NAV3: variants seen among roughly 807,000 people sequenced by gnomAD.
NAV3 encodes neuron navigator 3.
NAV3 carries 87 observed loss-of-function variants against 244.7 expected under a neutral mutation model. The observed-to-expected ratio is 0.36, with a 90% CI of 0.30 to 0.42. NAV3 has a LOEUF of 0.42. Among genes scored for constraint, NAV3 ranks in the 20% least tolerant of loss-of-function variants. The pLI is 1.00. For missense variants in NAV3, 2,663 were observed against 2,893.3 expected (o/e 0.92, Z 1.83); for synonymous variants, 1,126 against 1,042.2 (o/e 1.08, Z -1.55).
At chr12:77,806,151 G>T (rs1181483510) in intron 2 of NAV3, among the ~76,000 whole-genome samples, 2 of 151,884 alleles carry the variant, frequency 1.3e-5, no homozygotes, top group Non-Finnish European at 2.9e-5. Context: ...AAGGGTTTTT[G>T]TGTCTCTATC....
chr12:77,980,853 A>G (rs1869432047), intron 5 of NAV3, among the ~76,000 whole-genome samples: 1 of 152,184 alleles, frequency 6.6e-6, no homozygotes, highest in Non-Finnish European at 1.5e-5. Context: ...GAAGTTTGAC[A>G]TTCCTAAAAG....
intron 2 of NAV3, among the ~76,000 whole-genome samples, chr12:77,700,101 C>A (rs574193247): frequency 6.6e-6 from 1 of 152,178 alleles, no homozygotes; most frequent in Non-Finnish European, 1.5e-5. Flanking sequence ...TCGATACAAA[C>A]CTAATGAGAT....
intron 12 of NAV3, among the ~76,000 whole-genome samples, chr12:78,084,531 A>G (rs377640392): frequency 6.6e-6 from 1 of 152,096 alleles, no homozygotes; most frequent in East Asian, 1.9e-4. Context: ...AACAAAGTAG[A>G]CAAAATAAAC....
intron 2 of NAV3, among the ~76,000 whole-genome samples, chr12:77,726,773 C>T (rs558699843): frequency 2.6e-4 from 40 of 151,858 alleles, no homozygotes; most frequent in Non-Finnish European, 5.3e-4. Flanking sequence ...AAAAAGAGCA[C>T]TAGTAAAGAC....
Position 77,688,751 on chromosome 12 carries a change from G to A in NAV3, c.72+116485G>A, listed in dbSNP as rs150853011. 1.8e-3 allele frequency among the ~76,000 whole-genome samples: 277 copies of A among 151,896 alleles called. 2 individuals carry two copies. The highest frequency in any genetic ancestry group is 0.017 in the Admixed American group (251 of 15,212). On this transcript the variant is annotated intron_variant, in intron 2 of 8. Coordinates refer to the NAV3 transcript ENST00000550042. ...TTAGATTGTAGAGTATCTTAAAGACGGATAGATAATGAAGGAGAGGCTCTA... is the reference window on the plus strand; with the variant it reads ...TTAGATTGTAGAGTATCTTAAAGACAGATAGATAATGAAGGAGAGGCTCTA...
intron 2 of NAV3, among the ~76,000 whole-genome samples, chr12:77,773,543 T>C (rs1870204076): frequency 1.3e-5 from 2 of 152,158 alleles, no homozygotes; most frequent in Admixed American, 1.3e-4. Flanking sequence ...CTTGTCCTGA[T>C]GGAATTTAAA....
At chr12:77,577,663 C>A (rs1008787243) in intron 2 of NAV3, among the ~76,000 whole-genome samples, 2 of 152,036 alleles carry the variant, frequency 1.3e-5, no homozygotes, top group Non-Finnish European at 2.9e-5. Context: ...ATTTTGAAGG[C>A]AGAATTATAT....
In NAV3 at chr12:77,851,291, A is replaced by C. The variant is rs150648466; in HGVS notation, c.243+19587A>C. 4.4e-3 allele frequency among the ~76,000 whole-genome samples: 675 copies of C among 152,272 alleles called. 12 individuals carry two copies. Among genetic ancestry groups the C allele is most frequent in the African/African-American group, 0.014 (590 of 41,550 alleles). ...ATTCAAATTGTATCTTATCTTTAGA[A>C]ATACCCCTTCTGAATCCCCTTGCTT... is the stretch of plus-strand genomic sequence containing the variant. On this transcript the variant is annotated intron_variant, in intron 1 of 39. Coordinates refer to ENST00000397909, the MANE Select transcript of NAV3 (RefSeq NM_001024383.2).
At chr12:78,128,592 A>G (rs1442137049) in intron 17 of NAV3, 114 bp from the exon 18 acceptor site, 9 of 1,039,484 alleles carry the variant, frequency 8.7e-6, no homozygotes, top group East Asian at 7.7e-5. Flanking sequence ...ATTAGATTCA[A>G]TCTGTTTGAA....
rs142006016 is a variant in NAV3, at chr12:77,846,996, C to T, written c.243+15292C>T. The stretch of plus-strand genomic sequence containing the variant: ...CAGGAAATTTCCAACCTAAATCTTA[C>T]GGGCCCTGAGTTGAATATAATGATA... On this transcript the variant is annotated intron_variant, in intron 1 of 39. Transcript: ENST00000397909. Among the ~76,000 whole-genome samples the T allele has an allele frequency of 4.4e-4, 67 of 152,240 alleles. 1 individual carries two copies. The highest frequency in any genetic ancestry group is 1.4e-3 in the African/African-American group (60 of 41,550).
In NAV3 at chr12:78,059,056, A is replaced by T. The variant is rs769429031; in HGVS notation, c.2577A>T (p.Thr859=). Residue 859 remains threonine (T), a synonymous_variant, in exon 12 of 40, where the codon ACA becomes ACT. Transcript: ENST00000397909. ...GAAGTCTGAACCGAATACCAGACAC[A>T]GCAACTTCCCGGGACATCATCCAGA... is the stretch of plus-strand genomic sequence containing the variant. ...YTRSLNRIPD[T]ATSRDIIQRG... The T allele has an allele frequency of 2.5e-6, 4 of 1,612,386 alleles. No individual in the cohort carries two copies. The South Asian group carries it at 4.4e-5, about 18-fold the overall frequency.
At position 78,212,160 on chromosome 12, in the gene NAV3, T is replaced by A. The variant is rs1317794400; in HGVS notation, c.*1643T>A. On this transcript the variant is annotated 3_prime_UTR_variant, in exon 40 of 40. Coordinates refer to ENST00000397909, the MANE Select transcript of NAV3 (RefSeq NM_001024383.2). ...TGAAGCCAATATATTTTTGGATAAG[T>A]AAAACTGTCTGAAAGTACATCTGTC... 1 of 152,626 alleles carries A rather than the reference T, an allele frequency of 6.6e-6. No homozygotes were observed. The highest frequency in any genetic ancestry group is 1.5e-5 in the Non-Finnish European group (1 of 68,050). The allele number at this position is 152,626 out of a possible 1,614,324, so 9.5% of individuals were successfully genotyped here. A position where few individuals can be genotyped will look rare whatever the true frequency, so the allele number is the denominator to read the frequency against.
chr12:78,137,149 A>G (rs1956407389), intron 18 of NAV3, 28 bp from the exon 19 acceptor site: 1 of 1,591,734 alleles, frequency 6.3e-7, no homozygotes, highest in Non-Finnish European at 8.6e-7. Context: ...GCTTAAGAGT[A>G]ATAGGCTCTG....
chr12:77,810,707 A>G (rs1316975558), intron 2 of NAV3, among the ~76,000 whole-genome samples: 1 of 152,218 alleles, frequency 6.6e-6, no homozygotes, highest in Non-Finnish European at 1.5e-5. Flanking sequence ...TAGTTAAAAT[A>G]CTAGCAAATG....
chr12:78,158,252 A>G (rs1957388425), intron 22 of NAV3, among the ~76,000 whole-genome samples: 1 of 152,174 alleles, frequency 6.6e-6, no homozygotes, highest in South Asian at 2.1e-4. Flanking sequence ...CTTCGTTTGC[A>G]AAATATTAAA....
At chr12:78,112,463 G>A (rs1955147255) in intron 12 of NAV3, among the ~76,000 whole-genome samples, 1 of 152,128 alleles carries the variant, frequency 6.6e-6, no homozygotes, top group African/African-American at 2.4e-5. Context: ...CAACATGACT[G>A]GGGAGGCCTA....
intron 2 of NAV3, among the ~76,000 whole-genome samples, chr12:77,699,075 G>T (rs1875442728): frequency 6.6e-6 from 1 of 152,062 alleles, no homozygotes; most frequent in South Asian, 2.1e-4. Flanking sequence ...TTATATATTT[G>T]ATTTAGTGTT....
intron 9 of NAV3, among the ~76,000 whole-genome samples, chr12:78,024,984 G>T (rs1877775702): frequency 9.8e-6 from 1 of 102,142 alleles, no homozygotes; most frequent in Non-Finnish European, 2.1e-5. Flanking sequence ...CAAGAAAAAG[G>T]GGGAAAAAAA....
In NAV3 at chr12:77,682,315, G is replaced by A. The variant is rs151220163; in HGVS notation, c.72+110049G>A. Reference sequence around the variant, plus strand: ...AATATCCTCCAGATTCACCTACTTTGTCACAAATGACAGAATTTCCTTCTT... The same window carrying A: ...AATATCCTCCAGATTCACCTACTTTATCACAAATGACAGAATTTCCTTCTT... On this transcript the variant is annotated intron_variant, in intron 2 of 8. Transcript: ENST00000550042. Among the ~76,000 whole-genome samples, 597 of 152,212 alleles carry A rather than the reference G, an allele frequency of 3.9e-3. 6 individuals carry two copies. Among genetic ancestry groups the A allele is most frequent in the African/African-American group, 0.014 (574 of 41,522 alleles).
Sources: allele counts gnomAD v4.1 joint callset (sites outside exome capture counted in the v4.1 genomes callset), GRCh38; gene constraint gnomAD v4.1.1; transcripts MANE v1.5; gene names NCBI Gene and HGNC (gene_info 2026-07-23, HGNC 2026-07-21).